Variants in DGKI observed in about 807,000 individuals in gnomAD.
The protein encoded by DGKI is DAG kinase iota.
In DGKI, 55 loss-of-function variants were observed where a neutral mutation model predicts 147.5. The ratio of observed to expected loss-of-function variants is 0.37; its 90% confidence interval spans 0.30 to 0.47. DGKI has a LOEUF of 0.47. DGKI is among the 20% of genes least tolerant of loss of function. The pLI is 1.00. For missense variants in DGKI, 1,007 were observed against 1,323.8 expected (o/e 0.76, Z 3.71); for synonymous variants, 469 against 477.1 (o/e 0.98, Z 0.22).
chr7:137,505,099 G>A (rs1816320703), intron 21 of DGKI, among the ~76,000 whole-genome samples: 1 of 143,676 alleles, frequency 7.0e-6, no homozygotes, highest in Admixed American at 7.1e-5. Context: ...ACAAAGGGGG[G>A]GAACATCCCA....
intron 28 of DGKI, among the ~76,000 whole-genome samples, chr7:137,432,010 A>C (rs891204680): frequency 1.3e-5 from 2 of 152,178 alleles, no homozygotes; most frequent in Non-Finnish European, 2.9e-5. Context: ...TGTTCTCACG[A>C]TAGTGAGTGA....
At chr7:137,630,058 G>A (rs1821075150) in intron 6 of DGKI, among the ~76,000 whole-genome samples, 1 of 152,100 alleles carries the variant, frequency 6.6e-6, no homozygotes, top group Non-Finnish European at 1.5e-5. Context: ...TTGGATTATA[G>A]TAAACAAGAT....
chr7:137,525,735 A>G (rs561209979), intron 20 of DGKI, among the ~76,000 whole-genome samples: 1 of 152,318 alleles, frequency 6.6e-6, no homozygotes, highest in East Asian at 1.9e-4. Flanking sequence ...GATTTTAGCT[A>G]TTATCATTAT....
At chr7:137,507,969 G>A (rs1816426036) in intron 21 of DGKI, among the ~76,000 whole-genome samples, 1 of 152,148 alleles carries the variant, frequency 6.6e-6, no homozygotes, top group African/African-American at 2.4e-5. Flanking sequence ...CCACCCTTAG[G>A]CTCTAAGGAA....
chr7:137,731,191 T>C (rs1293499053), intron 1 of DGKI, among the ~76,000 whole-genome samples: 4 of 152,078 alleles, frequency 2.6e-5, no homozygotes, highest in African/African-American at 9.7e-5. Flanking sequence ...TTTCCAGACC[T>C]TTCCTAAGCA....
chr7:137,412,348 C>A (rs1172141853), intron 28 of DGKI, 141 bp from the exon 29 acceptor site: 4 of 755,648 alleles, frequency 5.3e-6, no homozygotes, highest in African/African-American at 3.5e-5. Flanking sequence ...GTGAAGCAGA[C>A]CGAGGCCCCC....
At position 137,722,159 on chromosome 7, in the gene DGKI, C is replaced by T. The variant is rs568176106; in HGVS notation, c.402-32157G>A. 6 of 1,599,898 alleles carry T rather than the reference C, an allele frequency of 3.8e-6. No individual in the cohort carries two copies. The African/African-American group carries it at 6.7e-5, about 18-fold the overall frequency. On this transcript the variant is annotated intron_variant, in intron 1 of 32. Coordinates refer to ENST00000614521, the MANE Select transcript of DGKI (RefSeq NM_001321708.2). ...ATTGTCAGAGGAATTGGCAGGTATT[C>T]CCGATCTGCTATGTATTCCAGAAAG...
At chr7:137,426,575 A>G (rs894691051) in intron 28 of DGKI, among the ~76,000 whole-genome samples, 14 of 152,214 alleles carry the variant, frequency 9.2e-5, no homozygotes, top group African/African-American at 3.4e-4. Flanking sequence ...TAAATGGACT[A>G]AATGCTCCAA....
intron 27 of DGKI, among the ~76,000 whole-genome samples, chr7:137,460,898 C>T (rs1453599732): frequency 1.3e-5 from 2 of 152,012 alleles, no homozygotes; most frequent in African/African-American, 4.8e-5. Context: ...AATTTTTACG[C>T]TTATTTTGAT....
At chr7:137,539,049 T>G (rs1817605967) in intron 20 of DGKI, among the ~76,000 whole-genome samples, 1 of 151,864 alleles carries the variant, frequency 6.6e-6, no homozygotes, top group Non-Finnish European at 1.5e-5. Context: ...TCTCCCTTTC[T>G]TTTTTCCCCC....
At chr7:137,392,141 T>G (rs550567309) in intron 32 of DGKI, among the ~76,000 whole-genome samples, 1 of 152,276 alleles carries the variant, frequency 6.6e-6, no homozygotes, top group Admixed American at 6.5e-5. Context: ...TTGTCATTAA[T>G]TTTTTACATC....
At position 137,389,434 on chromosome 7, in the gene DGKI, GAT is replaced by G. The variant is rs1811281100; in HGVS notation, c.*1784_*1785del. ...GTCATAGCCGCACTTTCAAAATGAT[GAT>G]ATGTTACCGAAATGTGACTCAGATA... is the stretch of plus-strand genomic sequence containing the variant. On this transcript the variant is annotated 3_prime_UTR_variant, in exon 33 of 33. Transcript: ENST00000614521. 2 of 152,144 alleles carry G rather than the reference GAT, an allele frequency of 1.3e-5. No homozygotes were observed. Among genetic ancestry groups the G allele is most frequent in the African/African-American group, 2.4e-5 (1 of 41,438 alleles). 9.4% of individuals were successfully genotyped at this position (152,144 alleles called of 1,614,324 possible).
rs528870748 is a variant in DGKI, at chr7:137,576,029, ATCTTTT to A, written c.1761+1187_1761+1192del. Among the ~76,000 whole-genome samples, 106 of 137,514 alleles carry A rather than the reference ATCTTTT, an allele frequency of 7.7e-4. No homozygotes were observed. In the Middle Eastern group the frequency reaches 0.024, roughly 31 times the overall value. The allele number at this position is 137,514 out of a possible 152,430, so 90.2% of individuals were successfully genotyped here. On this transcript the variant is annotated intron_variant, in intron 17 of 32. Coordinates refer to ENST00000614521, the MANE Select transcript of DGKI (RefSeq NM_001321708.2). Reference sequence around the variant, plus strand: ...GTTCTGTTCTCTCTTGTCAAAATTAATCTTTTTCTTTTTCTTTTTTTTTTTTTTAGA... The same window carrying A: ...GTTCTGTTCTCTCTTGTCAAAATTAATCTTTTTCTTTTTTTTTTTTTTAGA...
intron 27 of DGKI, among the ~76,000 whole-genome samples, chr7:137,444,426 A>G (rs1813633699): frequency 6.6e-6 from 1 of 152,246 alleles, no homozygotes; most frequent in African/African-American, 2.4e-5. Flanking sequence ...TGTGATGTGT[A>G]TTGCCCAAGG....
At chr7:137,488,449 T>C (rs1437129402) in intron 21 of DGKI, among the ~76,000 whole-genome samples, 1 of 152,170 alleles carries the variant, frequency 6.6e-6, no homozygotes, top group East Asian at 1.9e-4. Context: ...GTGGCTTTAG[T>C]GTATAGAACC....
intron 28 of DGKI, among the ~76,000 whole-genome samples, chr7:137,425,185 C>A (rs1459187495): frequency 6.6e-6 from 1 of 152,166 alleles, no homozygotes; most frequent in African/African-American, 2.4e-5. Flanking sequence ...CTGCCGGGTA[C>A]TCCTCTGAGA....
In DGKI at chr7:137,605,313, TATAAAATAAAATAAAATAAA is replaced by T. The variant is rs564995858; in HGVS notation, c.1167+3633_1167+3652del. 8.2e-3 allele frequency among the ~76,000 whole-genome samples: 992 copies of T among 121,236 alleles called. 7 individuals are homozygous for T. The highest frequency in any genetic ancestry group is 0.027 in the African/African-American group (815 of 30,616). The allele number at this position is 121,236 out of a possible 152,430, so 79.5% of individuals were successfully genotyped here. A position where few individuals can be genotyped will look rare whatever the true frequency, so the allele number is the denominator to read the frequency against. ...ACAGAGCAAGACTCCGTCTCAAAAA[TATAAAATAAAATAAAATAAA>T]ATAAAATAAAATAAAATAAAATAAA... On this transcript the variant is annotated intron_variant, in intron 10 of 32. Transcript: ENST00000614521.
intron 1 of DGKI, among the ~76,000 whole-genome samples, chr7:137,754,875 T>C (rs1159503397): frequency 6.6e-6 from 1 of 152,130 alleles, no homozygotes; most frequent in East Asian, 1.9e-4. Flanking sequence ...CTTTCTCCAT[T>C]TGGGAGCAAA....
At chr7:137,635,750 C>T (rs1261325231) in intron 6 of DGKI, among the ~76,000 whole-genome samples, 1 of 152,180 alleles carries the variant, frequency 6.6e-6, no homozygotes, top group African/African-American at 2.4e-5. Context: ...TGTTTACTCA[C>T]TAAATCTATG....
Sources: allele counts gnomAD v4.1 joint callset (sites outside exome capture counted in the v4.1 genomes callset), GRCh38; gene constraint gnomAD v4.1.1; transcripts MANE v1.5; gene names NCBI Gene and HGNC (gene_info 2026-07-23, HGNC 2026-07-21).